Variants in TLL2 observed in about 807,000 individuals in gnomAD.
TLL2 encodes the protein tolloid like 2.
Under a neutral mutation model 123.0 loss-of-function variants are expected in TLL2, and 106 were observed. The observed-to-expected ratio is 0.86, with a 90% CI of 0.74 to 1.01. The LOEUF (loss-of-function observed/expected upper bound fraction) is 1.01. Ranked by LOEUF, TLL2 falls within the 50% of genes least tolerant of loss-of-function variation. The pLI, the probability that TLL2 is intolerant of heterozygous loss-of-function variation, is 0.00. For missense variants in TLL2, 1,332 were observed against 1,336.7 expected (o/e 1.00, Z 0.06); for synonymous variants, 494 against 516.8 (o/e 0.96, Z 0.60).
chr10:96,504,439 A>G (rs1404451832), intron 1 of TLL2, among the ~76,000 whole-genome samples: 1 of 152,050 alleles, frequency 6.6e-6, no homozygotes, highest in Non-Finnish European at 1.5e-5. Context: ...GCGAAACTCC[A>G]TCTCTACTAA....
At chr10:96,434,134 T>C (rs1589421566) in intron 3 of TLL2, among the ~76,000 whole-genome samples, 1 of 152,324 alleles carries the variant, frequency 6.6e-6, no homozygotes, top group East Asian at 1.9e-4. Context: ...TCCTTCTATT[T>C]TCACTTGTTT....
At position 96,480,273 on chromosome 10, in the gene TLL2, C is replaced by T. The variant is rs1015376920; in HGVS notation, c.286+76G>A. 5.2e-5 allele frequency: 64 copies of T among 1,223,278 alleles called. No homozygotes were observed. The South Asian group carries it at 6.9e-4, about 13-fold the overall frequency. The allele number at this position is 1,223,278 out of a possible 1,614,324, so 75.8% of individuals were successfully genotyped here. A position where few individuals can be genotyped will look rare whatever the true frequency, so the allele number is the denominator to read the frequency against. ...ACTAGCAAGTCAAACACCGATGACT[C>T]GTGGACCACATCTCCCCCTGCTGAA... On this transcript the variant is annotated intron_variant, in intron 2 of 20. Transcript: ENST00000357947.
At chr10:96,395,811 C>T (rs1456202838) in intron 12 of TLL2, 64 bp downstream of exon 12, 1 of 1,591,798 alleles carries the variant, frequency 6.3e-7, no homozygotes, top group African/African-American at 1.3e-5. Flanking sequence ...CCCATCTTTA[C>T]AGAGTGGAGG....
At position 96,395,079 on chromosome 10, in the gene TLL2, G is replaced by A. The variant is rs79448123; in HGVS notation, c.1726+108C>T. ...AATGCATCGCTGCCTTTTCTCTGCAGGGAGCCTTGTTTGGTGGTAAGCTTC... is the reference window on the plus strand; with the variant it reads ...AATGCATCGCTGCCTTTTCTCTGCAAGGAGCCTTGTTTGGTGGTAAGCTTC... On this transcript the variant is annotated intron_variant, in intron 13 of 20. Coordinates refer to ENST00000357947, the MANE Select transcript of TLL2 (RefSeq NM_012465.4). 3,408 of 1,206,998 alleles carry A rather than the reference G, an allele frequency of 2.8e-3. 11 individuals are homozygous for A. Among genetic ancestry groups the A allele is most frequent in the Non-Finnish European group, 3.4e-3 (2,979 of 871,208 alleles). The allele number at this position is 1,206,998 out of a possible 1,614,324, so 74.8% of individuals were successfully genotyped here. A position where few individuals can be genotyped will look rare whatever the true frequency, so the allele number is the denominator to read the frequency against.
chr10:96,494,206 T>C (rs1847446965), intron 1 of TLL2, among the ~76,000 whole-genome samples: 1 of 152,182 alleles, frequency 6.6e-6, no homozygotes, highest in Non-Finnish European at 1.5e-5. Flanking sequence ...TCCAAGAGTC[T>C]GGTGGGGGGA....
At chr10:96,467,073 C>T (rs1847139030) in intron 2 of TLL2, among the ~76,000 whole-genome samples, 1 of 152,158 alleles carries the variant, frequency 6.6e-6, no homozygotes, top group Non-Finnish European at 1.5e-5. Context: ...GCATTTGCAA[C>T]AAAGGTCAGT....
chr10:96,384,611 C>G lies in TLL2; in HGVS notation c.2170G>C (p.Gly724Arg), dbSNP rs142361931. 6.2e-7 allele frequency: 1 copy of G among 1,600,552 alleles called. No homozygotes were observed. The highest frequency in any genetic ancestry group is 1.3e-5 in the African/African-American group (1 of 74,702). The stretch of plus-strand genomic sequence containing the variant: ...CCTGAGAAGAAGTGGGCCCTGAAGC[C>G]GCGCTTGGAGACGGTGTTGTCGGAC... The part of the protein sequence containing the change: ...FKSDNTVSKR[G>R]FRAHFFSDKD... Residue 724 changes from glycine (G) to arginine (R), a missense_variant, in exon 16 of 21, where the codon GGC becomes CGC. Coordinates refer to ENST00000357947, the MANE Select transcript of TLL2 (RefSeq NM_012465.4).
intron 2 of TLL2, among the ~76,000 whole-genome samples, chr10:96,466,210 C>T (rs1847130505): frequency 6.6e-6 from 1 of 152,184 alleles, no homozygotes; most frequent in Non-Finnish European, 1.5e-5. Context: ...ACCAAGTCCA[C>T]CAGCTCAGTG....
chr10:96,376,852 G>A (rs1447233964), intron 17 of TLL2, 33 bp from the exon 18 acceptor site: 1 of 1,493,098 alleles, frequency 6.7e-7, no homozygotes, highest in Admixed American at 2.5e-5. Flanking sequence ...TACAAAGAGA[G>A]AAGTCATTCA....
intron 2 of TLL2, among the ~76,000 whole-genome samples, chr10:96,448,161 G>A (rs530170457): frequency 2.6e-5 from 4 of 152,324 alleles, no homozygotes; most frequent in East Asian, 1.9e-4. Context: ...GAGGCTCCGC[G>A]CCTGCATCCT....
chr10:96,374,674 A>G (rs534859992), intron 18 of TLL2: 2 of 152,242 alleles, frequency 1.3e-5, no homozygotes, highest in African/African-American at 4.8e-5. Flanking sequence ...GAGACAGATG[A>G]AGCTGAACTT....
rs974830839 is a variant in TLL2 at position 96,366,680 on chromosome 10, G to A, written c.*1408C>T. The A allele has an allele frequency of 3.9e-5, 6 of 152,394 alleles. No homozygotes were observed. The highest frequency in any genetic ancestry group is 2.0e-4 in the Admixed American group (3 of 15,276). The allele number at this position is 152,394 out of a possible 1,614,324, so 9.4% of individuals were successfully genotyped here. A position where few individuals can be genotyped will look rare whatever the true frequency, so the allele number is the denominator to read the frequency against. On this transcript the variant is annotated 3_prime_UTR_variant, in exon 21 of 21. Transcript: ENST00000357947. ...TGCTGATTCATCCCAAAGGAATTCCGGTGCATGGGAGCTATCTTGGCTCTA... is the reference window on the plus strand; with the variant it reads ...TGCTGATTCATCCCAAAGGAATTCCAGTGCATGGGAGCTATCTTGGCTCTA...
intron 1 of TLL2, among the ~76,000 whole-genome samples, chr10:96,506,822 A>G (rs1246642441): frequency 6.6e-6 from 1 of 152,038 alleles, no homozygotes; most frequent in Non-Finnish European, 1.5e-5. Context: ...CGGGAGAGAA[A>G]AGGAAAAAAC....
rs763024209 is a variant in TLL2 at position 96,413,241 on chromosome 10, C to A, written c.999G>T (p.Arg333=). 8 of 1,614,156 alleles carry A rather than the reference C, an allele frequency of 5.0e-6. No individual in the cohort carries two copies. The highest frequency in any genetic ancestry group is 6.8e-6 in the Non-Finnish European group (8 of 1,180,000). The change falls in exon 8 of 21, where the codon CGG becomes CGT. Residue 333 remains arginine (R), a synonymous_variant. Coordinates refer to ENST00000357947, the MANE Select transcript of TLL2 (RefSeq NM_012465.4). ...GVRPTIGQRV[R]LSQGDIAQAR... ...CTTGAGCTATGTCTCCCTGACTGAG[C>A]CGCACGCGCTGGCCAATGGTTGGCC...
At chr10:96,376,594 C>A in intron 18 of TLL2, 98 bp downstream of exon 18, 1 of 1,348,722 alleles carries the variant, frequency 7.4e-7, no homozygotes, top group South Asian at 1.4e-5. Context: ...TGAGTAACTT[C>A]CAAGTTACAG....
At position 96,446,952 on chromosome 10, in the gene TLL2, C is replaced by T. The variant is rs181468584; in HGVS notation, c.287-784G>A. Among the ~76,000 whole-genome samples, 402 of 152,252 alleles carry T rather than the reference C, an allele frequency of 2.6e-3. 1 individual carries two copies. The highest frequency in any genetic ancestry group is 8.7e-3 in the South Asian group (42 of 4,826). On this transcript the variant is annotated intron_variant, in intron 2 of 20. Coordinates refer to ENST00000357947, the MANE Select transcript of TLL2 (RefSeq NM_012465.4). The stretch of plus-strand genomic sequence containing the variant: ...CTAATTGGAAAGCTGGACCATAAAC[C>T]GCAGGTAAGTAAATTCATGAATGAG...
At chr10:96,486,683 A>G (rs1847359658) in intron 1 of TLL2, among the ~76,000 whole-genome samples, 1 of 152,222 alleles carries the variant, frequency 6.6e-6, no homozygotes, top group Non-Finnish European at 1.5e-5. Flanking sequence ...TCCCAGATGC[A>G]TGCTTCAGAA....
chr10:96,404,392 A>T (rs966118982), intron 10 of TLL2, among the ~76,000 whole-genome samples: 3 of 152,226 alleles, frequency 2.0e-5, no homozygotes, highest in Admixed American at 1.3e-4. Flanking sequence ...ATACACGCTC[A>T]TCATAGAAAA....
At chr10:96,411,718 T>C (rs1043814639) in intron 8 of TLL2, among the ~76,000 whole-genome samples, 2 of 152,230 alleles carry the variant, frequency 1.3e-5, no homozygotes, top group African/African-American at 4.8e-5. Flanking sequence ...CATCTTTTCC[T>C]TACATGCAGT....
Sources: gnomAD v4.1 joint callset for allele counts (sites outside exome capture counted in the v4.1 genomes callset) on GRCh38, gnomAD v4.1.1 for gene constraint, MANE v1.5 for transcripts, NCBI Gene and HGNC (gene_info 2026-07-23, HGNC 2026-07-21) for gene names.